Variants in PPARGC1A observed in about 807,000 individuals in gnomAD.
The protein encoded by PPARGC1A is PPARG coactivator 1 alpha.
A neutral mutation model predicts 88.7 loss-of-function variants in PPARGC1A; 25 were observed. The observed-to-expected ratio is 0.28, with a 90% confidence interval of 0.21 to 0.39. PPARGC1A has a LOEUF of 0.39. Among genes scored for constraint, PPARGC1A ranks in the 10% least tolerant of loss-of-function variants. PPARGC1A has a pLI of 1.00. For missense variants in PPARGC1A, 880 were observed against 968.7 expected (o/e 0.91, Z 1.22); for synonymous variants, 363 against 355.6 (o/e 1.02, Z -0.24).
Position 23,795,813 on chromosome 4 carries a change from G to A in PPARGC1A, c.*9C>T, listed in dbSNP as rs1394233309. On this transcript the variant is annotated 3_prime_UTR_variant, in exon 13 of 13. Coordinates refer to ENST00000264867, the MANE Select transcript of PPARGC1A (RefSeq NM_013261.5). ...GCCATCCCTCTGTCATCCTCAGCTA[G>A]GGAACATGTTACCTGCGCAAGCTTC... The A allele has an allele frequency of 3.8e-6, 6 of 1,599,030 alleles. No individual in the cohort carries two copies. The highest frequency in any genetic ancestry group is 1.1e-5 in the South Asian group (1 of 90,078).
At chr4:24,241,927 T>A in the PPARGC1A span, among the ~76,000 whole-genome samples, 4 of 152,334 alleles carry the variant, frequency 2.6e-5, no homozygotes, top group Admixed American at 2.6e-4. Context: ...GCTGTCAAGT[T>A]TTCTTCCAAG....
chr4:24,162,835 C>A, the PPARGC1A span, among the ~76,000 whole-genome samples: 1 of 151,856 alleles, frequency 6.6e-6, no homozygotes, highest in Non-Finnish European at 1.5e-5. Flanking sequence ...CTCAGGTGAT[C>A]CACCCAACTC....
At chr4:24,011,615 G>T in the PPARGC1A span, among the ~76,000 whole-genome samples, 2 of 152,048 alleles carry the variant, frequency 1.3e-5, no homozygotes, top group African/African-American at 4.8e-5. Flanking sequence ...CCTTCTCACC[G>T]AACTTTCCTG....
At chr4:24,052,937 C>T in the PPARGC1A span, among the ~76,000 whole-genome samples, 25 of 134,476 alleles carry the variant, frequency 1.9e-4, no homozygotes, top group African/African-American at 6.4e-4. Context: ...TATCTTGGCT[C>T]ACTGCAAGCT....
At chr4:24,156,359 C>G in the PPARGC1A span, among the ~76,000 whole-genome samples, 1 of 152,010 alleles carries the variant, frequency 6.6e-6, no homozygotes, top group Non-Finnish European at 1.5e-5. Context: ...ACCCTCCCCA[C>G]TTGCTATTTT....
At chr4:24,067,666 A>C in the PPARGC1A span, among the ~76,000 whole-genome samples, 1 of 152,150 alleles carries the variant, frequency 6.6e-6, no homozygotes, top group African/African-American at 2.4e-5. Flanking sequence ...AGCTTTTTTA[A>C]ATGTTTAAGA....
upstream of PPARGC1A, among the ~76,000 whole-genome samples, chr4:23,906,024 G>A (rs1719986908): frequency 6.6e-6 from 1 of 152,152 alleles, no homozygotes; most frequent in African/African-American, 2.4e-5. Context: ...ACTCAAAGAT[G>A]AGCACAGCCA....
chr4:24,039,834 A>G, the PPARGC1A span, among the ~76,000 whole-genome samples: 1 of 152,166 alleles, frequency 6.6e-6, no homozygotes, highest in Non-Finnish European at 1.5e-5. Flanking sequence ...ACGTAGCCAC[A>G]GCCACTGCTG....
Position 23,814,547 on chromosome 4 carries a change from A to C in PPARGC1A, c.936T>G (p.Ala312=). 7.4e-6 allele frequency: 12 copies of C among 1,613,024 alleles called. No homozygotes were observed. Among genetic ancestry groups the C allele is most frequent in the Non-Finnish European group, 1.0e-5 (12 of 1,179,702 alleles). ...TGCAAGAGGACTTCAGCTTTGGAGAAGCCCTAAAAGGGTTATCTTGGTTGG... is the reference window on the plus strand; with the variant it reads ...TGCAAGAGGACTTCAGCTTTGGAGACGCCCTAAAAGGGTTATCTTGGTTGG... ...HKANQDNPFR[A]SPKLKSSCKT... is the part of the protein sequence containing the mutation. The change falls in exon 8 of 13, where the codon GCT becomes GCG. Residue 312 remains alanine, a synonymous_variant. Transcript: ENST00000264867.
chr4:23,989,469 C>T, the PPARGC1A span, among the ~76,000 whole-genome samples: 2 of 151,790 alleles, frequency 1.3e-5, no homozygotes, highest in Non-Finnish European at 2.9e-5. Context: ...AGCAATCCTG[C>T]AGGAAAATTG....
the PPARGC1A span, among the ~76,000 whole-genome samples, chr4:24,297,977 G>A: frequency 6.6e-6 from 1 of 152,154 alleles, no homozygotes; most frequent in Non-Finnish European, 1.5e-5. Flanking sequence ...ATACTGGAGA[G>A]TCAGGCTGCA....
the PPARGC1A span, among the ~76,000 whole-genome samples, chr4:24,226,474 T>A: frequency 6.6e-6 from 1 of 152,142 alleles, no homozygotes; most frequent in South Asian, 2.1e-4. Context: ...GGTGGGGAAT[T>A]CCCCAGTCAG....
At chr4:23,984,548 A>C in the PPARGC1A span, among the ~76,000 whole-genome samples, 1 of 151,986 alleles carries the variant, frequency 6.6e-6, no homozygotes, top group Non-Finnish European at 1.5e-5. Context: ...ATAAAAGAAA[A>C]GGATGCTTTA....
At chr4:24,117,800 G>A in the PPARGC1A span, among the ~76,000 whole-genome samples, 5 of 152,028 alleles carry the variant, frequency 3.3e-5, no homozygotes, top group East Asian at 1.9e-4. Flanking sequence ...ATCAATATGC[G>A]TTGGTTGGAT....
the PPARGC1A span, among the ~76,000 whole-genome samples, chr4:24,026,344 A>G: frequency 6.6e-6 from 1 of 152,120 alleles, no homozygotes; most frequent in East Asian, 1.9e-4. Flanking sequence ...CATACACAAA[A>G]TTCACAGTAA....
At chr4:24,068,016 G>T in the PPARGC1A span, among the ~76,000 whole-genome samples, 2 of 152,162 alleles carry the variant, frequency 1.3e-5, no homozygotes, top group African/African-American at 4.8e-5. Context: ...GTGTGTGTGT[G>T]TGCATGTGTG....
the PPARGC1A span, among the ~76,000 whole-genome samples, chr4:24,179,506 C>A: frequency 6.6e-6 from 1 of 152,088 alleles, no homozygotes; most frequent in Non-Finnish European, 1.5e-5. Context: ...TAGGATCCTA[C>A]CCTTGCTGGT....
the PPARGC1A span, among the ~76,000 whole-genome samples, chr4:24,156,406 T>C: frequency 0.14 from 21,236 of 151,962 alleles, 2,090 homozygotes; most frequent in African/African-American, 0.27. Context: ...GTTAGTGTCT[T>C]CTTTGGTGCC....
chr4:24,192,791 A>C, the PPARGC1A span, among the ~76,000 whole-genome samples: 1 of 152,220 alleles, frequency 6.6e-6, no homozygotes, highest in African/African-American at 2.4e-5. Context: ...ATTTTTATAC[A>C]TACATAATGA....
Sources: allele counts gnomAD v4.1 joint callset (sites outside exome capture counted in the v4.1 genomes callset), GRCh38; gene constraint gnomAD v4.1.1; transcripts MANE v1.5; gene names NCBI Gene and HGNC (gene_info 2026-07-23, HGNC 2026-07-21).